The following LSAMP variants were observed in gnomAD, a reference collection of about 807,000 sequenced individuals.
LSAMP encodes the protein limbic system-associated membrane protein.
Under a neutral mutation model 38.6 loss-of-function variants are expected in LSAMP, and 7 were observed. The ratio of observed to expected loss-of-function variants is 0.18; its 90% CI spans 0.10 to 0.34. The LOEUF (loss-of-function observed/expected upper bound fraction) is 0.34. Ranked by LOEUF, LSAMP falls within the 10% of genes least tolerant of loss-of-function variation. The pLI, the probability that LSAMP is intolerant of heterozygous loss-of-function variation, is 1.00. For missense variants in LSAMP, 313 were observed against 420.0 expected (o/e 0.75, Z 2.23); for synonymous variants, 154 against 166.8 (o/e 0.92, Z 0.59).
At chr3:116,421,934 G>T (rs986462428) in intron 1 of LSAMP, among the ~76,000 whole-genome samples, 1 of 152,154 alleles carries the variant, frequency 6.6e-6, no homozygotes, top group Non-Finnish European at 1.5e-5. Flanking sequence ...CAGTACCTAT[G>T]GAAGAGAAAT....
At chr3:115,931,793 A>G (rs1937584815) in intron 3 of LSAMP, among the ~76,000 whole-genome samples, 1 of 152,188 alleles carries the variant, frequency 6.6e-6, no homozygotes, top group Non-Finnish European at 1.5e-5. Context: ...TACTTTTCTA[A>G]GTTTATTGAA....
chr3:116,040,755 T>C (rs988835844), intron 2 of LSAMP, among the ~76,000 whole-genome samples: 2 of 152,188 alleles, frequency 1.3e-5, no homozygotes, highest in Non-Finnish European at 2.9e-5. Flanking sequence ...TTTCTTCCTT[T>C]TTTTTCTTTT....
intron 1 of LSAMP, among the ~76,000 whole-genome samples, chr3:116,104,972 T>G (rs921509061): frequency 6.6e-6 from 1 of 152,206 alleles, no homozygotes; most frequent in Admixed American, 6.5e-5. Context: ...GGAAGAGAAC[T>G]ATTGCTTTGG....
chr3:115,965,091 G>A (rs1468398312), intron 3 of LSAMP, among the ~76,000 whole-genome samples: 1 of 151,998 alleles, frequency 6.6e-6, no homozygotes, highest in Non-Finnish European at 1.5e-5. Context: ...CAAAAAATAC[G>A]ATATGAGAGA....
chr3:115,968,260 T>G (rs373941976), intron 3 of LSAMP, among the ~76,000 whole-genome samples: 39 of 152,040 alleles, frequency 2.6e-4, no homozygotes, highest in African/African-American at 8.7e-4. Flanking sequence ...AGCAGAAGGA[T>G]TCCCTCCCTA....
chr3:115,987,087 GA>G (rs1939530144), intron 3 of LSAMP, among the ~76,000 whole-genome samples: 1 of 152,264 alleles, frequency 6.6e-6, no homozygotes, highest in Admixed American at 6.5e-5. Flanking sequence ...TATGCTATGT[GA>G]AAAAGGAAGT....
chr3:116,348,645 A>C (rs970551876), intron 1 of LSAMP, among the ~76,000 whole-genome samples: 2 of 152,148 alleles, frequency 1.3e-5, no homozygotes, highest in African/African-American at 4.8e-5. Flanking sequence ...CCTGTAAAGC[A>C]ATATATACAA....
At chr3:116,133,289 T>C (rs931608716) in intron 1 of LSAMP, among the ~76,000 whole-genome samples, 5 of 151,890 alleles carry the variant, frequency 3.3e-5, no homozygotes, top group Non-Finnish European at 5.9e-5. Context: ...TGTTTTGCTT[T>C]GTTTTTGTTT....
At chr3:116,086,176 G>T in intron 2 of LSAMP, 148 bp downstream of exon 2, 1 of 688,882 alleles carries the variant, frequency 1.5e-6, no homozygotes, top group Non-Finnish European at 2.5e-6. Context: ...CATTTTAAGT[G>T]TCTTTTTAGA....
intron 3 of LSAMP, among the ~76,000 whole-genome samples, chr3:115,947,060 C>A (rs979524865): frequency 2.0e-5 from 3 of 151,922 alleles, no homozygotes; most frequent in Admixed American, 6.6e-5. Context: ...TATGATTTTT[C>A]TCTACAGATG....
chr3:115,961,901 A>G (rs13315620), intron 3 of LSAMP, among the ~76,000 whole-genome samples: 23,497 of 152,198 alleles, frequency 0.15, 2,065 homozygotes, highest in Non-Finnish European at 0.21. Flanking sequence ...TCTTACTTCT[A>G]TCCGGCAGAG....
chr3:115,869,309 TGAGA>T, intron 3 of LSAMP, among the ~76,000 whole-genome samples: 1 of 113,408 alleles, frequency 8.8e-6, no homozygotes, highest in East Asian at 2.6e-4. Flanking sequence ...AGAGACTGAC[TGAGA>T]GAGAGAGACT....
At chr3:116,262,780 C>G (rs765027379) in intron 1 of LSAMP, among the ~76,000 whole-genome samples, 5 of 152,144 alleles carry the variant, frequency 3.3e-5, no homozygotes, top group African/African-American at 4.8e-5. Flanking sequence ...AAAGGACAGA[C>G]AGAAGGAGGG....
rs554712719 is a variant in LSAMP at position 116,126,306 on chromosome 3, G to A, written c.156-39750C>T. 5.9e-5 allele frequency among the ~76,000 whole-genome samples: 9 copies of A among 152,308 alleles called. No homozygotes were observed. In the East Asian group the frequency reaches 1.7e-3, roughly 29 times the overall value. On this transcript the variant is annotated intron_variant, in intron 1 of 6. Transcript: ENST00000490035. ...ACAGTGAAGCTGATGAGCGTTGAGAGTATATAGAAGCAGATAGGCCAGAAG... is the reference window on the plus strand; with the variant it reads ...ACAGTGAAGCTGATGAGCGTTGAGAATATATAGAAGCAGATAGGCCAGAAG...
intron 3 of LSAMP, among the ~76,000 whole-genome samples, chr3:115,948,617 G>A (rs1359957670): frequency 6.6e-6 from 1 of 152,066 alleles, no homozygotes; most frequent in East Asian, 1.9e-4. Context: ...AATCCTGTGG[G>A]ATACAGCAAA....
intron 1 of LSAMP, among the ~76,000 whole-genome samples, chr3:116,136,145 T>C (rs1709243648): frequency 6.6e-6 from 1 of 152,164 alleles, no homozygotes; most frequent in African/African-American, 2.4e-5. Context: ...ACCCATTTCT[T>C]TCATATACCT....
At chr3:115,968,848 A>G (rs1234113112) in intron 3 of LSAMP, among the ~76,000 whole-genome samples, 1 of 152,168 alleles carries the variant, frequency 6.6e-6, no homozygotes, top group Non-Finnish European at 1.5e-5. Context: ...CTGCAATGGC[A>G]AGGCTTGTTG....
intron 1 of LSAMP, among the ~76,000 whole-genome samples, chr3:116,268,755 A>C: frequency 6.6e-6 from 1 of 151,912 alleles, no homozygotes; most frequent in East Asian, 1.9e-4. Flanking sequence ...TTTGTTGCTC[A>C]TTTGTTGCTT....
intron 3 of LSAMP, among the ~76,000 whole-genome samples, chr3:115,973,975 G>A (rs1939102997): frequency 6.6e-6 from 1 of 152,206 alleles, no homozygotes; most frequent in Middle Eastern, 3.4e-3. Flanking sequence ...TAACAATGAG[G>A]TCTTGAATAA....
Sources: allele counts gnomAD v4.1 joint callset (sites outside exome capture counted in the v4.1 genomes callset), GRCh38; gene constraint gnomAD v4.1.1; transcripts MANE v1.5; gene names NCBI Gene and HGNC (gene_info 2026-07-23, HGNC 2026-07-21).